SLC26A6: variants seen among roughly 807,000 people sequenced by gnomAD.
SLC26A6 encodes the protein solute carrier family 26 member 6.
Under a neutral mutation model 87.1 loss-of-function variants are expected in SLC26A6, and 67 were observed. That is an observed-to-expected ratio of 0.77 (90% CI 0.63 to 0.94). The LOEUF (loss-of-function observed/expected upper bound fraction) is 0.94. Ranked by LOEUF, SLC26A6 falls within the 40% of genes least tolerant of loss-of-function variation. The probability of loss-of-function intolerance (pLI) is 0.00; values close to 1 mark genes in which losing one functional copy is unlikely to be tolerated. For synonymous variants in SLC26A6, 414 were observed against 405.9 expected, an observed-to-expected ratio of 1.02 and a Z score of -0.24; for missense variants, 902 against 973.0, an observed-to-expected ratio of 0.93 and a Z score of 0.97.
chr3:48,630,421 G>A lies in SLC26A6; in HGVS notation c.1326+17C>T. ...TGGCCTGGCCAAGACCTGAAACCTG[G>A]CTGGGTGGGGGCTCACCTTGGGCAG... On this transcript the variant is annotated intron_variant, in intron 11 of 20. Transcript: ENST00000395550. The A allele has an allele frequency of 6.4e-7, 1 of 1,553,060 alleles. No homozygotes were observed. Among genetic ancestry groups the A allele is most frequent in the Non-Finnish European group, 8.7e-7 (1 of 1,147,810 alleles).
Position 48,626,640 on chromosome 3 carries a change from C to G in SLC26A6, c.2119G>C (p.Ala707Pro). ...REIEVEVYMA[A>P]CHSPVVSQLE... ...TTCCCACCCTACTCACTGTGGCAGG[C>G]CGCCATGTACACCTCCACCTCAATC... The change falls in exon 19 of 21, where the codon GCC becomes CCC. Residue 707 changes from alanine (A) to proline (P), a missense_variant. Physicochemically the swap from Ala to Pro is conservative, Grantham distance 27 (BLOSUM62 -1). Around this residue, in one of 3 missense-constraint regions of SLC26A6, gnomAD observed 99 missense variants for 100.1 expected, o/e 0.99. Coordinates refer to ENST00000395550, the MANE Select transcript of SLC26A6 (RefSeq NM_022911.3). 1 of 1,614,208 alleles carries G rather than the reference C, an allele frequency of 6.2e-7. No individual in the cohort carries two copies. The highest frequency in any genetic ancestry group is 8.5e-7 in the Non-Finnish European group (1 of 1,180,046).
rs140956278 is a variant in SLC26A6, at chr3:48,626,836, T to A, written c.2073+40A>T. On this transcript the variant is annotated intron_variant, in intron 18 of 20. Coordinates refer to ENST00000395550, the MANE Select transcript of SLC26A6 (RefSeq NM_022911.3). Reference sequence around the variant, plus strand: ...CTCTCAGGGCAAATTACAGGGTCAGTGTGGAAGCTCGAGGGGCCTTGGCCT... The same window carrying A: ...CTCTCAGGGCAAATTACAGGGTCAGAGTGGAAGCTCGAGGGGCCTTGGCCT... 50 of 1,606,504 alleles carry A rather than the reference T, an allele frequency of 3.1e-5. No homozygotes were observed. The African/African-American group carries it at 6.1e-4, about 20-fold the overall frequency.
chr3:48,626,073 C>T lies in SLC26A6; in HGVS notation c.2266-73G>A, dbSNP rs1014691991. 13 of 1,612,968 alleles carry T rather than the reference C, an allele frequency of 8.1e-6. No individual in the cohort carries two copies. The South Asian group carries it at 1.4e-4, about 18-fold the overall frequency. ...AGACCAACCCCCGCCCCTAGAACAG[C>T]TTTATCCAAAGACAGCGGAGAAAGC... On this transcript the variant is annotated intron_variant, in intron 20 of 20. Transcript: ENST00000395550.
At chr3:48,634,251 C>G (rs1240978437) in intron 1 of SLC26A6, 1 of 153,530 alleles carries the variant, frequency 6.5e-6, no homozygotes, top group Non-Finnish European at 1.5e-5. Flanking sequence ...GGAGCTTGCT[C>G]TTGGAGTGGC....
rs55807958 is a variant in SLC26A6 at position 48,626,736 on chromosome 3, G to C, written c.2074-51C>G. 32,008 of 1,612,770 alleles carry C rather than the reference G, an allele frequency of 0.02. 3,414 individuals carry two copies. The African/African-American group carries it at 0.29, about 15-fold the overall frequency. ...CAGAGGGAGGCTCAGGGACTCAGAG[G>C]GGGGCTCGGGCAGGCTTGGGGAGGG... On this transcript the variant is annotated intron_variant, in intron 18 of 20. Coordinates refer to ENST00000395550, the MANE Select transcript of SLC26A6 (RefSeq NM_022911.3).
In SLC26A6 at chr3:48,628,395, G is replaced by A; in HGVS notation, c.1800+39C>T. 1.9e-6 allele frequency: 3 copies of A among 1,612,458 alleles called. No homozygotes were observed. The highest frequency in any genetic ancestry group is 2.5e-6 in the Non-Finnish European group (3 of 1,179,620). Reference sequence around the variant, plus strand: ...GAGAAAGGCTGGGGCAGGGAACAGGGGGCAGGAGATGGGGGTCACCAGACA... The same window carrying A: ...GAGAAAGGCTGGGGCAGGGAACAGGAGGCAGGAGATGGGGGTCACCAGACA... On this transcript the variant is annotated intron_variant, in intron 16 of 20. Transcript: ENST00000395550. The surrounding 1 kb of genome is among the most constrained non-coding windows in gnomAD (Gnocchi z 4.4).
intron 11 of SLC26A6, 100 bp from the exon 12 acceptor site, chr3:48,630,257 G>A: frequency 7.1e-7 from 1 of 1,414,896 alleles, no homozygotes; most frequent in Non-Finnish European, 9.8e-7. Context: ...CACTCAGGCA[G>A]TACCCCAGAC....
chr3:48,630,488 T>C lies in SLC26A6; in HGVS notation c.1276A>G (p.Ile426Val). Residue 426 changes from isoleucine (I) to valine (V), a missense_variant, in exon 11 of 21, where the codon ATC becomes GTC. Ile to Val is a conservative substitution (Grantham distance 29). This residue lies in a region of SLC26A6 where 800 missense variants were observed against 856.8 expected (regional missense o/e 0.93). Transcript: ENST00000395550. ...CCAAGTTTGACAATGATGAGGAGGA[T>C]GAAAAGGGAAGAGATGGCTCCAGCA... Reference protein sequence around the residue: ...QVAGAISSLFILLIIVKLGEL... With the variant: ...QVAGAISSLFVLLIIVKLGEL... 2 of 1,561,516 alleles carry C rather than the reference T, an allele frequency of 1.3e-6. No individual in the cohort carries two copies. Among genetic ancestry groups the C allele is most frequent in the Non-Finnish European group, 1.7e-6 (2 of 1,152,694 alleles).
Position 48,630,130 on chromosome 3 carries a change from T to C in SLC26A6, c.1354A>G (p.Asn452Asp). The C allele has an allele frequency of 6.2e-7, 1 of 1,609,716 alleles. No individual in the cohort carries two copies. Among genetic ancestry groups the C allele is most frequent in the Non-Finnish European group, 8.5e-7 (1 of 1,176,804 alleles). ...KAVLAAIIIV[N>D]LKGMLRQLSD... ...AGCTGCCTCAGCATGCCCTTCAGGT[T>C]CACAATGATGATGGCTGCCAGGACC... is the stretch of plus-strand genomic sequence containing the variant. The change falls in exon 12 of 21, where the codon AAC (asparagine) becomes GAC (aspartate). Residue 452 changes from asparagine (N) to aspartate (D), a missense_variant. Physicochemically the swap from Asn to Asp is conservative, Grantham distance 23. Transcript: ENST00000395550.
intron 4 of SLC26A6, chr3:48,632,625 C>T (rs1242667628): frequency 3.2e-5 from 23 of 708,394 alleles, no homozygotes; most frequent in Non-Finnish European, 5.6e-5. Context: ...GTCTCATCTA[C>T]CCTGTCCCAC....
rs1477855765 is a variant in SLC26A6, at chr3:48,630,655, G to A, written c.1200C>T (p.Cys400=). 6 of 1,599,458 alleles carry A rather than the reference G, an allele frequency of 3.8e-6. No individual in the cohort carries two copies. The highest frequency in any genetic ancestry group is 5.1e-6 in the Non-Finnish European group (6 of 1,172,138). ...CCTGTACCAGGCTCCGAGACATAGA[G>A]CAACTCACGGGGAAGCACTGGAAGA... ...GGIFQCFPVS[C]SMSRSLVQES... Residue 400 remains cysteine (C), a synonymous_variant, in exon 10 of 21, where the codon TGC becomes TGT. Coordinates refer to ENST00000395550, the MANE Select transcript of SLC26A6 (RefSeq NM_022911.3).
chr3:48,628,256 GA>G lies in SLC26A6; in HGVS notation c.1800+177del. 1.2e-6 allele frequency: 1 copy of G among 841,232 alleles called. No homozygotes were observed. 52.1% of individuals were successfully genotyped at this position (841,232 alleles called of 1,614,324 possible). A position where few individuals can be genotyped will look rare whatever the true frequency, so the allele number is the denominator to read the frequency against. Reference sequence around the variant, plus strand: ...TGTCACTGGTTCAGATGATGGGAGAGAAAATGCTGCCTAGAGCCCGGACCTG... The same window carrying G: ...TGTCACTGGTTCAGATGATGGGAGAGAAATGCTGCCTAGAGCCCGGACCTG... On this transcript the variant is annotated intron_variant, in intron 16 of 20. Transcript: ENST00000395550. The surrounding 1 kb of genome is among the most constrained non-coding windows in gnomAD (Gnocchi z 4.4).
chr3:48,633,723 C>A, intron 1 of SLC26A6, 88 bp from the exon 2 acceptor site: 12 of 1,546,814 alleles, frequency 7.8e-6, no homozygotes, highest in Non-Finnish European at 9.6e-6. Context: ...GAGTTACCTA[C>A]CTGATTTTTC....
intron 1 of SLC26A6, chr3:48,634,807 G>A: frequency 1.1e-6 from 1 of 949,800 alleles, no homozygotes; most frequent in Non-Finnish European, 1.3e-6. Flanking sequence ...AGAGACTCTT[G>A]GGACCGCTAT....
chr3:48,628,345 G>C lies in SLC26A6; in HGVS notation c.1800+89C>G. On this transcript the variant is annotated intron_variant, in intron 16 of 20. Coordinates refer to ENST00000395550, the MANE Select transcript of SLC26A6 (RefSeq NM_022911.3). The surrounding 1 kb of genome is among the most constrained non-coding windows in gnomAD (Gnocchi z 4.4). Reference sequence around the variant, plus strand: ...AGAAAGGGGAAGGGATGAGGAGTGAGGACGAGGGAGGAGTCGGGGGCCAGG... The same window carrying C: ...AGAAAGGGGAAGGGATGAGGAGTGACGACGAGGGAGGAGTCGGGGGCCAGG... The C allele has an allele frequency of 6.5e-7, 1 of 1,536,548 alleles. No homozygotes were observed. The highest frequency in any genetic ancestry group is 8.9e-7 in the Non-Finnish European group (1 of 1,121,970).
chr3:48,627,744 GC>G (rs2046665916), intron 17 of SLC26A6: 1 of 484,420 alleles, frequency 2.1e-6, no homozygotes, highest in Non-Finnish European at 3.6e-6. Context: ...CTTCATCTAG[GC>G]CTGAGAATCT....
chr3:48,635,445 G>A lies in SLC26A6; in HGVS notation c.-52C>T, dbSNP rs573721245. The A allele has an allele frequency of 7.7e-6, 12 of 1,552,134 alleles. No individual in the cohort carries two copies. The highest frequency in any genetic ancestry group is 1.4e-5 in the African/African-American group (1 of 72,972). ...GCTCCTGCTGCTCGAGCTAGAGGCC[G>A]CTACGCTCCGGAAGGCGGCGCCGGG... On this transcript the variant is annotated 5_prime_UTR_variant, in exon 1 of 21. Coordinates refer to ENST00000395550, the MANE Select transcript of SLC26A6 (RefSeq NM_022911.3).
rs2046761250 is a variant in SLC26A6, at chr3:48,630,692, A to G, written c.1163T>C (p.Leu388Pro). ...GAAGCACTGGAAGATGCCTCCGATA[A>G]GGTTACTGAGGCCCAGGGCCACCAG... ...QELVALGLSN[L>P]IGGIFQCFPV... The change falls in exon 10 of 21, where the codon CTT becomes CCT. Residue 388 changes from leucine (L) to proline (P), a missense_variant. Physicochemically the swap from Leu to Pro is moderately conservative, Grantham distance 98. This residue lies in a region of SLC26A6 where 800 missense variants were observed against 856.8 expected (regional missense o/e 0.93). Transcript: ENST00000395550. 6.2e-7 allele frequency: 1 copy of G among 1,602,250 alleles called. No individual in the cohort carries two copies. The highest frequency in any genetic ancestry group is 1.7e-5 in the Admixed American group (1 of 58,748).
At chr3:48,627,266 T>G in intron 17 of SLC26A6, 2 of 597,174 alleles carry the variant, frequency 3.3e-6, no homozygotes, top group Non-Finnish European at 5.8e-6. Flanking sequence ...GTGCATATAC[T>G]GCTCTGCTAC....
Sources: gnomAD v4.1 joint callset for allele counts on GRCh38, gnomAD v4.1.1 for gene constraint, gnomAD v4.1.1 regional missense constraint, Gnocchi (gnomAD v3.1) non-coding constraint, MANE v1.5 for transcripts, NCBI Gene and HGNC (gene_info 2026-07-23, HGNC 2026-07-21) for gene names.